The following DAPK2 variants were observed in gnomAD, a reference collection of about 807,000 sequenced individuals.
DAPK2 encodes death associated protein kinase 2, also known as death-associated protein kinase 2.
In DAPK2, 35 loss-of-function variants were observed where a neutral mutation model predicts 44.1. The observed-to-expected ratio is 0.79, with a 90% CI of 0.61 to 1.05. DAPK2 has a LOEUF of 1.05. Ranked by LOEUF, DAPK2 falls within the 50% of genes least tolerant of loss-of-function variation. The pLI, the probability that DAPK2 is intolerant of heterozygous loss-of-function variation, is 0.00. For synonymous variants in DAPK2, 174 were observed against 182.6 expected (o/e 0.95, Z 0.38); for missense variants, 453 against 483.2 (o/e 0.94, Z 0.59).
chr15:64,015,121 A>T (rs1220396483), intron 1 of DAPK2, among the ~76,000 whole-genome samples: 1 of 152,166 alleles, frequency 6.6e-6, no homozygotes, highest in East Asian at 1.9e-4. Flanking sequence ...GTAAGGCAGC[A>T]GGAAAGGGTA....
intron 2 of DAPK2, among the ~76,000 whole-genome samples, chr15:63,978,143 A>T (rs78754867): frequency 0.016 from 2,390 of 152,288 alleles, 64 homozygotes; most frequent in African/African-American, 0.055. Flanking sequence ...TAACAACATG[A>T]TGTAGAATAT....
intron 1 of DAPK2, among the ~76,000 whole-genome samples, chr15:64,022,736 T>C (rs1000199066): frequency 6.6e-6 from 1 of 152,178 alleles, no homozygotes; most frequent in African/African-American, 2.4e-5. Context: ...GGAAGATCTC[T>C]TGCGCCCAGG....
intron 1 of DAPK2, among the ~76,000 whole-genome samples, chr15:64,012,811 C>A (rs981255337): frequency 6.6e-6 from 1 of 152,146 alleles, no homozygotes; most frequent in Non-Finnish European, 1.5e-5. Context: ...TGGGAGGGAA[C>A]TTTTAAATGC....
intron 3 of DAPK2, among the ~76,000 whole-genome samples, chr15:63,958,943 G>C (rs2077807351): frequency 6.6e-6 from 1 of 152,158 alleles, no homozygotes; most frequent in Non-Finnish European, 1.5e-5. Context: ...ATTACCTTGG[G>C]CATTATGGCC....
At chr15:63,971,442 A>G in exon 3 of DAPK2, 1 of 1,614,066 alleles carries the variant, frequency 6.2e-7, no homozygotes, top group Non-Finnish European at 8.5e-7. Flanking sequence ...AAAGTGAGCA[A>G]TTTTCTTTGT....
At chr15:63,963,228 G>A (rs918153574) in intron 3 of DAPK2, among the ~76,000 whole-genome samples, 4 of 152,116 alleles carry the variant, frequency 2.6e-5, no homozygotes, top group Non-Finnish European at 4.4e-5. Context: ...GGAGTGTCCC[G>A]ATTTTCCAGG....
chr15:63,986,319 G>A (rs1458255890), intron 1 of DAPK2, among the ~76,000 whole-genome samples: 1 of 152,214 alleles, frequency 6.6e-6, no homozygotes, highest in African/African-American at 2.4e-5. Context: ...TTGTAATGTT[G>A]GCCCGTGGTA....
intron 10 of DAPK2, chr15:63,911,534 T>A: frequency 4.1e-6 from 1 of 246,538 alleles, no homozygotes; most frequent in African/African-American, 2.2e-5. Context: ...AAAGCAGAAA[T>A]AGAAATATGG....
chr15:64,045,800 G>C (rs540402410), intron 1 of DAPK2, among the ~76,000 whole-genome samples: 1 of 152,306 alleles, frequency 6.6e-6, no homozygotes, highest in East Asian at 1.9e-4. Flanking sequence ...GCCCATCCTA[G>C]CTCTACCCCA....
At chr15:63,938,292 G>A (rs1417393050) in intron 4 of DAPK2, among the ~76,000 whole-genome samples, 1 of 152,146 alleles carries the variant, frequency 6.6e-6, no homozygotes, top group Non-Finnish European at 1.5e-5. Flanking sequence ...GGCACCTGTT[G>A]GAGAAAATAA....
chr15:63,967,139 C>T (rs2078076449), intron 3 of DAPK2, among the ~76,000 whole-genome samples: 2 of 152,044 alleles, frequency 1.3e-5, no homozygotes, highest in South Asian at 4.1e-4. Flanking sequence ...GAGATTGCAC[C>T]ACTGCACTCC....
At chr15:63,948,922 A>G (rs1595780325) in intron 3 of DAPK2, among the ~76,000 whole-genome samples, 1 of 152,146 alleles carries the variant, frequency 6.6e-6, no homozygotes, top group African/African-American at 2.4e-5. Flanking sequence ...GTTTGCCCAC[A>G]CTGCCTCAGC....
chr15:63,929,427 C>T, intron 6 of DAPK2, 124 bp downstream of exon 7: 2 of 1,289,798 alleles, frequency 1.6e-6, no homozygotes, highest in South Asian at 1.3e-5. Flanking sequence ...GCTGTGTGGA[C>T]TTAACACATC....
At chr15:63,986,135 G>A (rs2078662464) in intron 1 of DAPK2, among the ~76,000 whole-genome samples, 1 of 152,180 alleles carries the variant, frequency 6.6e-6, no homozygotes, top group South Asian at 2.1e-4. Flanking sequence ...CCACTCCTTG[G>A]GCTGTTTCCA....
chr15:63,922,639 C>T (rs2079108874), intron 8 of DAPK2: 2 of 1,440,546 alleles, frequency 1.4e-6, no homozygotes, highest in Non-Finnish European at 9.1e-7. Flanking sequence ...AGACACACAC[C>T]CCTGCAGGAT....
chr15:63,975,587 G>T (rs73454899), intron 2 of DAPK2, among the ~76,000 whole-genome samples: 3 of 144,104 alleles, frequency 2.1e-5, no homozygotes, highest in African/African-American at 7.7e-5. Context: ...GAGTATTGCA[G>T]ATGATTCTTT....
chr15:63,918,532 C>G (rs967383643), intron 8 of DAPK2: 1 of 152,276 alleles, frequency 6.6e-6, no homozygotes, highest in Admixed American at 6.5e-5. Context: ...TTGAACAGAG[C>G]ACAGAAGCCG....
intron 3 of DAPK2, 108 bp downstream of exon 4, chr15:63,971,315 T>C: frequency 2.2e-6 from 3 of 1,343,686 alleles, no homozygotes; most frequent in Non-Finnish European, 3.1e-6. Context: ...CACTGTAAGA[T>C]GAGAAAGAAG....
intron 1 of DAPK2, among the ~76,000 whole-genome samples, chr15:64,014,953 A>C (rs1157812730): frequency 6.6e-6 from 1 of 151,400 alleles, no homozygotes; most frequent in Non-Finnish European, 1.5e-5. Context: ...ACATTCTGAC[A>C]TTGTTGAAGG....
Sources: gnomAD v4.1 joint callset for allele counts (sites outside exome capture counted in the v4.1 genomes callset) on GRCh38, gnomAD v4.1.1 for gene constraint, MANE v1.5 for transcripts, NCBI Gene and HGNC (gene_info 2026-07-23, HGNC 2026-07-21) for gene names.